DONSON: variants seen among roughly 807,000 people sequenced by gnomAD.
The protein encoded by DONSON is protein downstream neighbor of Son.
DONSON carries 43 observed loss-of-function variants against 62.1 expected under a neutral mutation model. The observed-to-expected ratio is 0.69, with a 90% confidence interval of 0.54 to 0.89. The LOEUF (loss-of-function observed/expected upper bound fraction) is 0.89, where lower values mean the gene tolerates loss of function less well. DONSON is among the 40% of genes least tolerant of loss of function. The pLI, the probability that DONSON is intolerant of heterozygous loss-of-function variation, is 0.00. For synonymous variants in DONSON, 266 were observed against 264.6 expected, an observed-to-expected ratio of 1.01 and a Z score of -0.05; for missense variants, 696 against 697.5, an observed-to-expected ratio of 1.00 and a Z score of 0.03.
In DONSON at chr21:33,588,677, A is replaced by C; in HGVS notation, c.-36T>G. The C allele has an allele frequency of 8.2e-7, 1 of 1,224,040 alleles. No individual in the cohort carries two copies. Among genetic ancestry groups the C allele is most frequent in the African/African-American group, 1.6e-5 (1 of 63,882 alleles). 75.8% of individuals were successfully genotyped at this position (1,224,040 alleles called of 1,614,324 possible). ...GGCTGAGGGTAGCCGGCCGCCCTAC[A>C]GAGACTTCCCGCGCGCGCCGGGCCC... On this transcript the variant is annotated 5_prime_UTR_variant, in exon 1 of 10. Coordinates refer to ENST00000303071, the MANE Select transcript of DONSON (RefSeq NM_017613.4).
At chr21:33,584,528 A>G (rs1392468953) in intron 4 of DONSON, 62 bp downstream of exon 4, 2 of 1,437,986 alleles carry the variant, frequency 1.4e-6, no homozygotes, top group African/African-American at 2.8e-5. Flanking sequence ...CAAATATGAT[A>G]GAGAATGCTG....
chr21:33,582,345 C>A, intron 5 of DONSON, 99 bp from the exon 6 acceptor site: 1 of 938,940 alleles, frequency 1.1e-6, no homozygotes, highest in East Asian at 2.5e-5. Context: ...TTAGTTTTTA[C>A]AAATGATCTA....
chr21:33,578,655 A>C (rs1434364055), intron 9 of DONSON, among the ~76,000 whole-genome samples: 1 of 152,232 alleles, frequency 6.6e-6, no homozygotes, highest in Non-Finnish European at 1.5e-5. Flanking sequence ...AGACAATTTT[A>C]AAGGTCTTAA....
chr21:33,583,683 T>A lies in DONSON; in HGVS notation c.786-17A>T, dbSNP rs2145904512. 1 of 1,559,384 alleles carries A rather than the reference T, an allele frequency of 6.4e-7. No homozygotes were observed. Among genetic ancestry groups the A allele is most frequent in the Non-Finnish European group, 8.7e-7 (1 of 1,151,260 alleles). On this transcript the variant is annotated splice_polypyrimidine_tract_variant and intron_variant, in intron 4 of 9. Transcript: ENST00000303071. ...CTCACAGACCTATGAAGTAAAAAAA[T>A]TTTCTTAAGGTATTATTAAACATTT...
At chr21:33,583,094 G>C (rs552862447) in intron 5 of DONSON, among the ~76,000 whole-genome samples, 2 of 150,900 alleles carry the variant, frequency 1.3e-5, no homozygotes, top group African/African-American at 4.9e-5. Flanking sequence ...CCAGCTACTC[G>C]GGAGGCTGAG....
intron 5 of DONSON, 48 bp downstream of exon 5, chr21:33,583,440 A>T (rs2086540027): frequency 1.4e-6 from 2 of 1,403,822 alleles, no homozygotes; most frequent in East Asian, 4.7e-5. Context: ...AGGCCAAAAT[A>T]GGTTTACTAT....
At position 33,588,516 on chromosome 21, in the gene DONSON, C is replaced by T; in HGVS notation, c.126G>A (p.Pro42=). The T allele has an allele frequency of 1.6e-6, 2 of 1,252,186 alleles. No individual in the cohort carries two copies. Among genetic ancestry groups the T allele is most frequent in the South Asian group, 3.1e-5 (1 of 32,490 alleles). 77.6% of individuals were successfully genotyped at this position (1,252,186 alleles called of 1,614,324 possible). ...AASPPRELTE[P]AARRAALVAG... ...CCACCAGGGCGGCTCGGCGGGCCGC[C>T]GGCTCCGTCAGCTCACGGGGCGGGG... The change falls in exon 1 of 10, where the codon CCG becomes CCA. Residue 42 remains proline, a synonymous_variant. Coordinates refer to ENST00000303071, the MANE Select transcript of DONSON (RefSeq NM_017613.4).
chr21:33,581,441 T>C lies in DONSON; in HGVS notation c.1211A>G (p.Lys404Arg). ...GAGCAATGTAAAGGTGTTGATTCCT[T>C]TTACCAACACAACAGATTCAGGTCT... ...DHRPESVVLV[K>R]GINTFTLLNF... Residue 404 changes from lysine to arginine, a missense_variant, in exon 8 of 10, where the codon AAA (lysine) becomes AGA (arginine). Physicochemically the swap from Lys to Arg is conservative, Grantham distance 26. Transcript: ENST00000303071. 6.2e-7 allele frequency: 1 copy of C among 1,614,008 alleles called. No homozygotes were observed. The highest frequency in any genetic ancestry group is 1.1e-5 in the South Asian group (1 of 91,080).
chr21:33,580,591 C>CCACA (rs1601312115), intron 8 of DONSON, among the ~76,000 whole-genome samples: 1 of 148,028 alleles, frequency 6.8e-6, no homozygotes, highest in African/African-American at 2.5e-5. Context: ...CTGCAGTGAG[C>CCACA]TGTGCCACTG....
At chr21:33,581,194 G>T in intron 8 of DONSON, 108 bp downstream of exon 8, 1 of 1,069,356 alleles carries the variant, frequency 9.4e-7, no homozygotes, top group Non-Finnish European at 1.3e-6. Context: ...AAAGCAAAAT[G>T]AAAATATGTA....
intron 3 of DONSON, among the ~76,000 whole-genome samples, chr21:33,585,735 C>A (rs1436977796): frequency 2.0e-5 from 3 of 151,476 alleles, no homozygotes; most frequent in African/African-American, 7.3e-5. Context: ...TTCTTGCCTG[C>A]AACACTGATT....
chr21:33,580,913 AAAAC>A (rs2086501013), intron 8 of DONSON, among the ~76,000 whole-genome samples: 2 of 152,044 alleles, frequency 1.3e-5, no homozygotes, highest in South Asian at 2.1e-4. Flanking sequence ...AAGAAAAAAA[AAAAC>A]AAAAAAAATA....
rs1197845139 is a variant in DONSON at position 33,588,509 on chromosome 21, G to A, written c.133C>T (p.Arg45Cys). 1 of 1,252,982 alleles carries A rather than the reference G, an allele frequency of 8.0e-7. No individual in the cohort carries two copies. The highest frequency in any genetic ancestry group is 3.1e-5 in the South Asian group (1 of 32,628). The allele number at this position is 1,252,982 out of a possible 1,614,324, so 77.6% of individuals were successfully genotyped here. ...AGCCCCGCCACCAGGGCGGCTCGGC[G>A]GGCCGCCGGCTCCGTCAGCTCACGG... The part of the protein sequence containing the change: ...PPRELTEPAA[R>C]RAALVAGLPL... Residue 45 changes from arginine (R) to cysteine (C), a missense_variant, in exon 1 of 10, where the codon CGC becomes TGC. Transcript: ENST00000303071.
chr21:33,581,225 G>GT (rs930270642), intron 8 of DONSON, 77 bp downstream of exon 8: 716 of 1,338,064 alleles, frequency 5.4e-4, no homozygotes, highest in South Asian at 8.7e-4. Context: ...ATGCTAGGAG[G>GT]TTTTTTTTTA....
chr21:33,578,486 C>CT lies in DONSON; in HGVS notation c.1564-43dup, dbSNP rs747754060. 4 of 1,566,464 alleles carry CT rather than the reference C, an allele frequency of 2.6e-6. No homozygotes were observed. The East Asian group carries it at 9.1e-5, about 36-fold the overall frequency. ...ACAAGTCAGTAAAAAGCACATTAGT[C>CT]TTTAAACACAGAAGAGTTAAATAAT... On this transcript the variant is annotated intron_variant, in intron 9 of 9. Coordinates refer to ENST00000303071, the MANE Select transcript of DONSON (RefSeq NM_017613.4).
At chr21:33,583,878 T>C (rs1279638788) in intron 4 of DONSON, among the ~76,000 whole-genome samples, 3 of 151,832 alleles carry the variant, frequency 2.0e-5, no homozygotes, top group Non-Finnish European at 1.5e-5. Flanking sequence ...TAACAAATAG[T>C]GTATACCACT....
rs576191032 is a variant in DONSON at position 33,587,592 on chromosome 21, G to C, written c.332C>G (p.Ser111Cys). 6.3e-7 allele frequency: 1 copy of C among 1,588,250 alleles called. No individual in the cohort carries two copies. Among genetic ancestry groups the C allele is most frequent in the South Asian group, 1.2e-5 (1 of 86,276 alleles). ...CCATAGCAAATCATTTTCTTGATTAGAATCTAAAAACTGAGGTTAAATATA... is the reference window on the plus strand; with the variant it reads ...CCATAGCAAATCATTTTCTTGATTACAATCTAAAAACTGAGGTTAAATATA... The part of the protein sequence containing the change: ...QPEAPVPFLD[S>C]NQENDLLWEE... Residue 111 changes from serine to cysteine, a missense_variant, in exon 2 of 10, where the codon TCT (serine) becomes TGT (cysteine). By Grantham distance (112) the Ser-to-Cys change is moderately radical. Transcript: ENST00000303071.
At chr21:33,580,607 C>T (rs2086496921) in intron 8 of DONSON, among the ~76,000 whole-genome samples, 1 of 148,374 alleles carries the variant, frequency 6.7e-6, no homozygotes, top group African/African-American at 2.5e-5. Flanking sequence ...CACTGCACTA[C>T]AGCAAGACCC....
In DONSON at chr21:33,577,780, A is replaced by G. The variant is rs568067672; in HGVS notation, c.*527T>C. The G allele has an allele frequency of 6.5e-6, 1 of 153,248 alleles. No individual in the cohort carries two copies. The highest frequency in any genetic ancestry group is 1.9e-4 in the East Asian group (1 of 5,200). 9.5% of individuals were successfully genotyped at this position (153,248 alleles called of 1,614,324 possible). On this transcript the variant is annotated 3_prime_UTR_variant, in exon 10 of 10. Coordinates refer to ENST00000303071, the MANE Select transcript of DONSON (RefSeq NM_017613.4). The stretch of plus-strand genomic sequence containing the variant: ...AATTCTTAACACTATTCTATGTGGA[A>G]TACAAAATGCCTTTTTATCTGAATT...
Sources: allele counts gnomAD v4.1 joint callset (sites outside exome capture counted in the v4.1 genomes callset), GRCh38; gene constraint gnomAD v4.1.1; transcripts MANE v1.5; gene names NCBI Gene and HGNC (gene_info 2026-07-23, HGNC 2026-07-21).